B4GALNT1: variants seen among roughly 807,000 people sequenced by gnomAD.
B4GALNT1 encodes the protein beta-1,4-N-acetyl-galactosaminyltransferase 1, also known as beta-1,4 N-acetylgalactosaminyltransferase 1.
Under a neutral mutation model 55.2 loss-of-function variants are expected in B4GALNT1, and 43 were observed. That is an observed-to-expected ratio of 0.78 (90% CI 0.61 to 1.00). The LOEUF (loss-of-function observed/expected upper bound fraction) is 1.00, where lower values mean the gene tolerates loss of function less well. B4GALNT1 is among the 50% of genes least tolerant of loss of function. The probability of loss-of-function intolerance (pLI) is 0.00; values close to 1 mark genes in which losing one functional copy is unlikely to be tolerated. For synonymous variants in B4GALNT1, 305 were observed against 311.6 expected (o/e 0.98, Z 0.22); for missense variants, 664 against 729.7 (o/e 0.91, Z 1.04).
At position 57,624,223 on chromosome 12, in the gene B4GALNT1, A is replaced by T; in HGVS notation, c.*2521T>A. 1.1e-6 allele frequency: 1 copy of T among 876,844 alleles called. No individual in the cohort carries two copies. Among genetic ancestry groups the T allele is most frequent in the Non-Finnish European group, 1.8e-6 (1 of 558,844 alleles). The allele number at this position is 876,844 out of a possible 1,614,324, so 54.3% of individuals were successfully genotyped here. ...CAACCCACCCACTCCCCCAGCAAAC[A>T]TAACTCCTAGTATGCTTTACTCACA... On this transcript the variant is annotated 3_prime_UTR_variant, in exon 11 of 11. Coordinates refer to ENST00000341156, the MANE Select transcript of B4GALNT1 (RefSeq NM_001478.5).
chr12:57,625,388 C>G lies in B4GALNT1; in HGVS notation c.*1356G>C, dbSNP rs1884735351. On this transcript the variant is annotated 3_prime_UTR_variant, in exon 11 of 11. Transcript: ENST00000341156. ...TCATACCCTCTGATCTGGGACTTAA[C>G]CCCTTTGCCCCATCCCTGCAGCTGG... is the stretch of plus-strand genomic sequence containing the variant. 6.2e-7 allele frequency: 1 copy of G among 1,614,124 alleles called. No individual in the cohort carries two copies. Among genetic ancestry groups the G allele is most frequent in the African/African-American group, 1.3e-5 (1 of 75,022 alleles).
chr12:57,625,933 T>G lies in B4GALNT1; in HGVS notation c.*811A>C. 1.8e-6 allele frequency: 1 copy of G among 549,292 alleles called. No homozygotes were observed. The highest frequency in any genetic ancestry group is 2.9e-6 in the Non-Finnish European group (1 of 340,060). The allele number at this position is 549,292 out of a possible 1,614,324, so 34.0% of individuals were successfully genotyped here. A position where few individuals can be genotyped will look rare whatever the true frequency, so the allele number is the denominator to read the frequency against. ...GTAGGTGGGGTACCCCTGAGAGGAC[T>G]GCCACATTTCATTAAGGAAGAGGGG... On this transcript the variant is annotated 3_prime_UTR_variant, in exon 11 of 11. Coordinates refer to ENST00000341156, the MANE Select transcript of B4GALNT1 (RefSeq NM_001478.5).
At chr12:57,629,755 C>G (rs1016049323) in intron 6 of B4GALNT1, 48 of 1,431,786 alleles carry the variant, frequency 3.4e-5, no homozygotes, top group African/African-American at 4.3e-5. Flanking sequence ...AACAAACCAG[C>G]TTTGGGGAGA....
At chr12:57,628,578 G>T in intron 8 of B4GALNT1, 135 bp downstream of exon 8, 1 of 1,119,590 alleles carries the variant, frequency 8.9e-7, no homozygotes, top group Non-Finnish European at 1.3e-6. Flanking sequence ...TACATTCCAG[G>T]AATCCTCATG....
In B4GALNT1 at chr12:57,631,901, CGGTCGG is replaced by C; in HGVS notation, c.218+8_218+13del. Reference sequence around the variant, plus strand: ...CAGCGAGCGCTGCGCTGCGCCGCCGCGGTCGGCACTCACCCCACTACTTGCTCCTTG... The same window carrying C: ...CAGCGAGCGCTGCGCTGCGCCGCCGCCACTCACCCCACTACTTGCTCCTTG... On this transcript the variant is annotated splice_region_variant and intron_variant, in intron 2 of 10. Transcript: ENST00000341156. 11 of 1,378,622 alleles carry C rather than the reference CGGTCGG, an allele frequency of 8.0e-6. No homozygotes were observed. The highest frequency in any genetic ancestry group is 1.0e-5 in the Non-Finnish European group (11 of 1,065,320). The allele number at this position is 1,378,622 out of a possible 1,614,324, so 85.4% of individuals were successfully genotyped here.
rs1333942582 is a variant in B4GALNT1, at chr12:57,625,319, G to C, written c.*1425C>G. ...TGCTGGGGCCAGAGAAGTGGTGCAGGTGAGGGAGAGGGTAGGTTGAGGAGA... is the reference window on the plus strand; with the variant it reads ...TGCTGGGGCCAGAGAAGTGGTGCAGCTGAGGGAGAGGGTAGGTTGAGGAGA... On this transcript the variant is annotated 3_prime_UTR_variant, in exon 11 of 11. Coordinates refer to ENST00000341156, the MANE Select transcript of B4GALNT1 (RefSeq NM_001478.5). The C allele has an allele frequency of 6.2e-7, 1 of 1,614,132 alleles. No individual in the cohort carries two copies. The highest frequency in any genetic ancestry group is 8.5e-7 in the Non-Finnish European group (1 of 1,180,020).
In B4GALNT1 at chr12:57,632,051, GGGTGCTC is replaced by G; in HGVS notation, c.75_81del (p.Ser26GlyfsTer44). 6.9e-7 allele frequency: 1 copy of G among 1,444,806 alleles called. No homozygotes were observed. Among genetic ancestry groups the G allele is most frequent in the Non-Finnish European group, 9.1e-7 (1 of 1,097,434 alleles). The allele number at this position is 1,444,806 out of a possible 1,614,324, so 89.5% of individuals were successfully genotyped here. On this transcript the variant is annotated frameshift_variant, in exon 2 of 11. Transcript: ENST00000341156. LOFTEE classifies it high-confidence loss of function. ...GGTAGCCGGAGGCCGGGCGCGTCCC[GGGTGCTC>G]GCGTACAGGAGCCCCAGCGAGGCGC...
In B4GALNT1 at chr12:57,629,092, G is replaced by A. The variant is rs200510000; in HGVS notation, c.767C>T (p.Pro256Leu). ...EAAFTIRIRH[P>L]PNPRLYPPGS... ...AGGTGGGTACAGCCGAGGGTTGGGC[G>A]GGTGTCTTATGCGGATAGTGAAAGC... The change falls in exon 7 of 11, where the codon CCG becomes CTG. Residue 256 changes from proline to leucine, a missense_variant. Physicochemically the swap from Pro to Leu is moderately conservative, Grantham distance 98. Coordinates refer to ENST00000341156, the MANE Select transcript of B4GALNT1 (RefSeq NM_001478.5). 3.0e-4 allele frequency: 487 copies of A among 1,598,328 alleles called. No individual in the cohort carries two copies. Among genetic ancestry groups the A allele is most frequent in the South Asian group, 5.9e-4 (53 of 89,864 alleles).
chr12:57,627,732 C>T lies in B4GALNT1; in HGVS notation c.1270G>A (p.Val424Ile), dbSNP rs371132455. The change falls in exon 10 of 11, where the codon GTC becomes ATC. Residue 424 changes from valine (V) to isoleucine (I), a missense_variant. Transcript: ENST00000341156. ...GTGACCACGCAGCCTGGGAAGCCGA[C>T]GAGCTCGTGGTGGAAGCCGCGCCTT... ...RQRRGFHHEL[V>I]GFPGCVVTDG... is the part of the protein sequence containing the mutation. The T allele has an allele frequency of 1.9e-6, 3 of 1,611,454 alleles. No individual in the cohort carries two copies. Among genetic ancestry groups the T allele is most frequent in the African/African-American group, 2.7e-5 (2 of 74,896 alleles).
chr12:57,624,995 G>A lies in B4GALNT1; in HGVS notation c.*1749C>T. On this transcript the variant is annotated 3_prime_UTR_variant, in exon 11 of 11. Coordinates refer to ENST00000341156, the MANE Select transcript of B4GALNT1 (RefSeq NM_001478.5). ...AGAAGGAGAAAAGGTGAAGGAGCTTGGTTTAGGAGGGATGTGGATCCTCAG... is the reference window on the plus strand; with the variant it reads ...AGAAGGAGAAAAGGTGAAGGAGCTTAGTTTAGGAGGGATGTGGATCCTCAG... 6.2e-7 allele frequency: 1 copy of A among 1,614,050 alleles called. No individual in the cohort carries two copies.
At chr12:57,629,220 G>A in intron 6 of B4GALNT1, 74 bp from the exon 7 acceptor site, 1 of 1,287,820 alleles carries the variant, frequency 7.8e-7, no homozygotes, top group Non-Finnish European at 1.1e-6. Flanking sequence ...CAATATTTAA[G>A]TGCCTACTCT....
chr12:57,631,178 T>C lies in B4GALNT1; in HGVS notation c.383+22A>G, dbSNP rs533535439. The stretch of plus-strand genomic sequence containing the variant: ...TCACTGCTCTCCCCCTGAGGAGTCA[T>C]GCGCTTCTTTCAAGCTGGTACCTCG... On this transcript the variant is annotated intron_variant, in intron 3 of 10. Transcript: ENST00000341156. The C allele has an allele frequency of 5.0e-6, 8 of 1,613,930 alleles. No individual in the cohort carries two copies. In the Admixed American group the frequency reaches 5.0e-5, roughly 10 times the overall value.
rs376336992 is a variant in B4GALNT1, at chr12:57,625,164, G to A, written c.*1580C>T. 3.5e-5 allele frequency: 57 copies of A among 1,613,984 alleles called. No individual in the cohort carries two copies. The highest frequency in any genetic ancestry group is 4.7e-5 in the Non-Finnish European group (56 of 1,180,004). The stretch of plus-strand genomic sequence containing the variant: ...ATGGCCCAATGGTTGCAGGTGAGAT[G>A]GGGTGACAAGAAGGAAGATTTGGGC... On this transcript the variant is annotated 3_prime_UTR_variant, in exon 11 of 11. Transcript: ENST00000341156.
Position 57,623,780 on chromosome 12 carries a change from CAT to C in B4GALNT1, c.*2962_*2963del. 1 of 1,497,120 alleles carries C rather than the reference CAT, an allele frequency of 6.7e-7. No individual in the cohort carries two copies. Among genetic ancestry groups the C allele is most frequent in the Non-Finnish European group, 9.2e-7 (1 of 1,086,714 alleles). 92.7% of individuals were successfully genotyped at this position (1,497,120 alleles called of 1,614,324 possible). A position where few individuals can be genotyped will look rare whatever the true frequency, so the allele number is the denominator to read the frequency against. The stretch of plus-strand genomic sequence containing the variant: ...CAGAGTGGGCAGGAAGACCAGCTCT[CAT>C]GTGGGGGTGGGAGGCTCTCTTCCTT... On this transcript the variant is annotated 3_prime_UTR_variant, in exon 11 of 11. Coordinates refer to ENST00000341156, the MANE Select transcript of B4GALNT1 (RefSeq NM_001478.5).
Position 57,626,577 on chromosome 12 carries a change from A to T in B4GALNT1, c.*167T>A. 1 of 769,086 alleles carries T rather than the reference A, an allele frequency of 1.3e-6. No individual in the cohort carries two copies. Among genetic ancestry groups the T allele is most frequent in the Admixed American group, 2.5e-5 (1 of 40,018 alleles). 47.6% of individuals were successfully genotyped at this position (769,086 alleles called of 1,614,324 possible). ...GGGCACTGGAAAAAGGAGGGGTGTC[A>T]CCAGGACAACCCCTACTGGGCATCA... On this transcript the variant is annotated 3_prime_UTR_variant, in exon 11 of 11. Transcript: ENST00000341156.
rs1424143177 is a variant in B4GALNT1 at position 57,624,916 on chromosome 12, C to A, written c.*1828G>T. 1.9e-6 allele frequency: 3 copies of A among 1,614,052 alleles called. No homozygotes were observed. Among genetic ancestry groups the A allele is most frequent in the Non-Finnish European group, 2.5e-6 (3 of 1,180,044 alleles). On this transcript the variant is annotated 3_prime_UTR_variant, in exon 11 of 11. Coordinates refer to ENST00000341156, the MANE Select transcript of B4GALNT1 (RefSeq NM_001478.5). ...TCCTGAGCTATCCAACACCACTGTA[C>A]TTTGGGACCCGTGGGCAGTTTCGCT...
At position 57,624,837 on chromosome 12, in the gene B4GALNT1, GA is replaced by G. The variant is rs1291515588; in HGVS notation, c.*1906del. ...AAGAAGGAAGGGAAGATTAGCCCCA[GA>G]CATTTCTCTGATCCTTTGACCTCTT... On this transcript the variant is annotated 3_prime_UTR_variant, in exon 11 of 11. Coordinates refer to ENST00000341156, the MANE Select transcript of B4GALNT1 (RefSeq NM_001478.5). 3.7e-6 allele frequency: 6 copies of G among 1,603,550 alleles called. No homozygotes were observed. The African/African-American group carries it at 6.7e-5, about 18-fold the overall frequency.
intron 10 of B4GALNT1, among the ~76,000 whole-genome samples, chr12:57,627,268 C>T (rs538688247): frequency 6.6e-6 from 1 of 152,078 alleles, no homozygotes; most frequent in African/African-American, 2.4e-5. Context: ...GTGGCGGGAA[C>T]AGTGATGGGG....
Position 57,624,159 on chromosome 12 carries a change from G to A in B4GALNT1, c.*2585C>T. 1 of 1,514,770 alleles carries A rather than the reference G, an allele frequency of 6.6e-7. No individual in the cohort carries two copies. The highest frequency in any genetic ancestry group is 9.0e-7 in the Non-Finnish European group (1 of 1,106,770). 93.8% of individuals were successfully genotyped at this position (1,514,770 alleles called of 1,614,324 possible). Reference sequence around the variant, plus strand: ...CATCTTGTTAGCATCCCCAGCCTCTGCCCTGAACCAAACCTAATTGTCCTG... The same window carrying A: ...CATCTTGTTAGCATCCCCAGCCTCTACCCTGAACCAAACCTAATTGTCCTG... On this transcript the variant is annotated 3_prime_UTR_variant, in exon 11 of 11. Transcript: ENST00000341156.
Sources: gnomAD v4.1 joint callset for allele counts (sites outside exome capture counted in the v4.1 genomes callset) on GRCh38, gnomAD v4.1.1 for gene constraint, MANE v1.5 for transcripts, NCBI Gene and HGNC (gene_info 2026-07-23, HGNC 2026-07-21) for gene names.